Variants in ROBO1 observed in about 807,000 individuals in gnomAD.
The protein encoded by ROBO1 is roundabout guidance receptor 1.
A neutral mutation model predicts 195.9 loss-of-function variants in ROBO1; 149 were observed. The observed-to-expected ratio is 0.76, with a 90% CI of 0.67 to 0.87. The LOEUF (loss-of-function observed/expected upper bound fraction) is 0.87, where lower values mean the gene tolerates loss of function less well. Among genes scored for constraint, ROBO1 ranks in the 40% least tolerant of loss-of-function variants. The pLI, the probability that ROBO1 is intolerant of heterozygous loss-of-function variation, is 0.00. For synonymous variants in ROBO1, 816 were observed against 733.2 expected, an observed-to-expected ratio of 1.11 and a Z score of -1.82; for missense variants, 1,933 against 2,068.3, an observed-to-expected ratio of 0.93 and a Z score of 1.27.
At chr3:78,683,873 C>T (rs1049218051) in intron 10 of ROBO1, among the ~76,000 whole-genome samples, 5 of 151,516 alleles carry the variant, frequency 3.3e-5, no homozygotes, top group Admixed American at 3.3e-4. Flanking sequence ...TTTTCAAGGC[C>T]TCAAGGTAGG....
chr3:79,401,652 G>T (rs1455833728), intron 2 of ROBO1, among the ~76,000 whole-genome samples: 2 of 151,668 alleles, frequency 1.3e-5, no homozygotes, highest in African/African-American at 2.4e-5. Context: ...ATTTGTAAAC[G>T]CAATGCAGAA....
intron 2 of ROBO1, among the ~76,000 whole-genome samples, chr3:79,544,549 G>A (rs564185840): frequency 7.9e-5 from 12 of 151,890 alleles, no homozygotes; most frequent in East Asian, 3.9e-4. Context: ...GAATAGTGGC[G>A]GGCATATTCA....
rs543365465 is a variant in ROBO1 at position 78,951,649 on chromosome 3, G to C, written c.173-12722C>G. Among the ~76,000 whole-genome samples the C allele has an allele frequency of 2.0e-5, 3 of 152,216 alleles. 1 individual carries two copies. The South Asian group carries it at 6.2e-4, about 32-fold the overall frequency. On this transcript the variant is annotated intron_variant, in intron 3 of 30. Transcript: ENST00000464233. The stretch of plus-strand genomic sequence containing the variant: ...AATCTTGAGAACTCACTTCAGGCAA[G>C]ACCAGCATCAGGGAAAGCGCAGGGC...
chr3:79,247,548 G>A (rs529214941), intron 2 of ROBO1, among the ~76,000 whole-genome samples: 30 of 151,868 alleles, frequency 2.0e-4, no homozygotes, highest in Admixed American at 6.6e-4. Flanking sequence ...TTAAGGCAGC[G>A]AGAGAAGGAA....
chr3:79,024,912 G>C (rs560313059), intron 3 of ROBO1, among the ~76,000 whole-genome samples: 2 of 152,192 alleles, frequency 1.3e-5, no homozygotes, highest in Admixed American at 6.6e-5. Flanking sequence ...TTTCTTCATA[G>C]AGCAGTCAGA....
chr3:79,062,895 T>A (rs2078944677), intron 3 of ROBO1, among the ~76,000 whole-genome samples: 1 of 151,870 alleles, frequency 6.6e-6, no homozygotes, highest in Non-Finnish European at 1.5e-5. Flanking sequence ...GACGAGTTGA[T>A]GGGTGCAGCA....
intron 3 of ROBO1, among the ~76,000 whole-genome samples, chr3:78,976,672 C>A (rs1164309453): frequency 6.6e-6 from 1 of 152,166 alleles, no homozygotes; most frequent in African/African-American, 2.4e-5. Flanking sequence ...TCTGTATTTT[C>A]ATCAGTAACT....
At chr3:79,250,153 T>A (rs919189310) in intron 2 of ROBO1, among the ~76,000 whole-genome samples, 1 of 152,184 alleles carries the variant, frequency 6.6e-6, no homozygotes, top group African/African-American at 2.4e-5. Context: ...AACAGAAATG[T>A]CAATCTCATA....
At chr3:79,310,532 C>T (rs114941668) in intron 2 of ROBO1, among the ~76,000 whole-genome samples, 6 of 152,088 alleles carry the variant, frequency 3.9e-5, no homozygotes, top group Admixed American at 1.3e-4. Flanking sequence ...GGCAATTTTA[C>T]GTTTTTCAGA....
At chr3:79,247,967 C>A (rs967968180) in intron 2 of ROBO1, among the ~76,000 whole-genome samples, 4 of 152,180 alleles carry the variant, frequency 2.6e-5, no homozygotes, top group Admixed American at 2.6e-4. Flanking sequence ...TATCAAAATT[C>A]TTTCCCCCTG....
intron 2 of ROBO1, among the ~76,000 whole-genome samples, chr3:79,159,566 C>A (rs987078415): frequency 6.6e-6 from 1 of 151,880 alleles, no homozygotes; most frequent in Non-Finnish European, 1.5e-5. Flanking sequence ...AAGAGAGCAA[C>A]CATTTGATGT....
At chr3:79,444,758 T>C (rs2039182313) in intron 2 of ROBO1, among the ~76,000 whole-genome samples, 1 of 152,122 alleles carries the variant, frequency 6.6e-6, no homozygotes, top group African/African-American at 2.4e-5. Flanking sequence ...GTATTTTCAG[T>C]TGGCAACACA....
chr3:79,622,763 C>A (rs1219656648), intron 1 of ROBO1, among the ~76,000 whole-genome samples: 4 of 152,166 alleles, frequency 2.6e-5, no homozygotes, highest in Non-Finnish European at 4.4e-5. Context: ...ATCTGGGCAG[C>A]CTAGATGAGT....
intron 3 of ROBO1, among the ~76,000 whole-genome samples, chr3:78,977,081 C>CA (rs2076899175): frequency 1.3e-5 from 2 of 152,042 alleles, no homozygotes; most frequent in South Asian, 2.1e-4. Flanking sequence ...AACAAACAAA[C>CA]AAAAAACACT....
At chr3:79,575,049 A>G (rs1313918812) in intron 2 of ROBO1, among the ~76,000 whole-genome samples, 1 of 147,526 alleles carries the variant, frequency 6.8e-6, no homozygotes, top group Non-Finnish European at 1.5e-5. Context: ...TTTTTTTGCA[A>G]TCAGCATACA....
intron 2 of ROBO1, among the ~76,000 whole-genome samples, chr3:79,529,647 G>C (rs1941570313): frequency 6.6e-6 from 1 of 152,196 alleles, no homozygotes; most frequent in African/African-American, 2.4e-5. Flanking sequence ...GGTAGTGGTA[G>C]TGTACACACA....
At chr3:78,648,438 C>T (rs1706437026) in intron 19 of ROBO1, among the ~76,000 whole-genome samples, 1 of 151,930 alleles carries the variant, frequency 6.6e-6, no homozygotes, top group Non-Finnish European at 1.5e-5. Context: ...AACAATAGAA[C>T]AATAACACCC....
intron 4 of ROBO1, among the ~76,000 whole-genome samples, chr3:78,879,000 T>C (rs2036020539): frequency 1.3e-5 from 2 of 152,214 alleles, no homozygotes; most frequent in South Asian, 4.1e-4. Flanking sequence ...AATTAGTCAC[T>C]GTATTTGTTG....
At chr3:79,592,861 A>T (rs12631715) in intron 1 of ROBO1, among the ~76,000 whole-genome samples, 8 of 152,054 alleles carry the variant, frequency 5.3e-5, no homozygotes, top group Non-Finnish European at 1.0e-4. Flanking sequence ...GAATAGTTTC[A>T]CTGCCCTAAA....
Sources: gnomAD v4.1 joint callset for allele counts (sites outside exome capture counted in the v4.1 genomes callset) on GRCh38, gnomAD v4.1.1 for gene constraint, MANE v1.5 for transcripts, NCBI Gene and HGNC (gene_info 2026-07-23, HGNC 2026-07-21) for gene names.